Variants in STAU2 observed in about 807,000 individuals in gnomAD.
The protein encoded by STAU2 is staufen double-stranded RNA binding protein 2, also known as double-stranded RNA-binding protein Staufen homolog 2.
In STAU2, 20 loss-of-function variants were observed where a neutral mutation model predicts 65.9. That is an observed-to-expected ratio of 0.30 (90% CI 0.21 to 0.44). The LOEUF (loss-of-function observed/expected upper bound fraction) is 0.44, where lower values mean the gene tolerates loss of function less well. Among genes scored for constraint, STAU2 ranks in the 20% least tolerant of loss-of-function variants. The pLI is 1.00. For missense variants in STAU2, 558 were observed against 683.9 expected, an observed-to-expected ratio of 0.82 and a Z score of 2.05; for synonymous variants, 232 against 233.9, an observed-to-expected ratio of 0.99 and a Z score of 0.07.
intron 6 of STAU2, among the ~76,000 whole-genome samples, chr8:73,646,590 T>G (rs1042219395): frequency 3.3e-5 from 5 of 152,146 alleles, no homozygotes; most frequent in Admixed American, 6.5e-5. Flanking sequence ...TAATTCAAAA[T>G]GTACATTTAA....
chr8:73,575,240 A>T (rs903828164), intron 12 of STAU2, among the ~76,000 whole-genome samples: 1 of 152,160 alleles, frequency 6.6e-6, no homozygotes, highest in African/African-American at 2.4e-5. Context: ...AGATCTACCA[A>T]ATACATAGTC....
intron 1 of STAU2, 47 bp downstream of exon 1, chr8:73,746,736 G>A (rs1332382443): frequency 9.6e-6 from 11 of 1,146,734 alleles, no homozygotes; most frequent in Middle Eastern, 2.1e-4. Context: ...CTTCGCCGGC[G>A]GCGCGGAAGT....
intron 13 of STAU2, among the ~76,000 whole-genome samples, chr8:73,444,832 C>T (rs1175241054): frequency 6.6e-6 from 1 of 152,160 alleles, no homozygotes; most frequent in African/African-American, 2.4e-5. Context: ...TTCTCCCCTC[C>T]TCAAGATGGC....
chr8:73,509,128 T>C (rs1447942590), intron 13 of STAU2, among the ~76,000 whole-genome samples: 1 of 152,234 alleles, frequency 6.6e-6, no homozygotes, highest in African/African-American at 2.4e-5. Flanking sequence ...AAGCTTCCTA[T>C]ATAAAGTTTC....
chr8:73,533,816 A>T (rs1219479967), intron 13 of STAU2, among the ~76,000 whole-genome samples: 1 of 152,186 alleles, frequency 6.6e-6, no homozygotes, highest in Non-Finnish European at 1.5e-5. Context: ...TGAAAATATG[A>T]GGGGCCATCC....
At chr8:73,676,370 G>T (rs1389775881) in intron 5 of STAU2, among the ~76,000 whole-genome samples, 1 of 152,106 alleles carries the variant, frequency 6.6e-6, no homozygotes. Context: ...TTTAAATGAA[G>T]AAAAATATTG....
chr8:73,467,968 T>C (rs1819750549), intron 13 of STAU2, among the ~76,000 whole-genome samples: 2 of 152,150 alleles, frequency 1.3e-5, no homozygotes, highest in African/African-American at 4.8e-5. Flanking sequence ...AAAGTTCATA[T>C]GCAACCAAAA....
chr8:73,610,909 T>C (rs190943089), intron 9 of STAU2, among the ~76,000 whole-genome samples: 218 of 152,352 alleles, frequency 1.4e-3, no homozygotes, highest in Middle Eastern at 6.8e-3. Flanking sequence ...ATGTGACAAC[T>C]GGATCTGAAA....
chr8:73,687,304 A>ATTT (rs1491174622), intron 5 of STAU2, among the ~76,000 whole-genome samples: 5 of 119,700 alleles, frequency 4.2e-5, no homozygotes, highest in East Asian at 2.0e-4. Flanking sequence ...TTATATTTAT[A>ATTT]AATATAATTT....
intron 13 of STAU2, among the ~76,000 whole-genome samples, chr8:73,482,596 C>A (rs898812374): frequency 6.6e-6 from 1 of 152,076 alleles, no homozygotes; most frequent in Non-Finnish European, 1.5e-5. Flanking sequence ...TTAACATAGA[C>A]CACTTATTTG....
At position 73,663,411 on chromosome 8, in the gene STAU2, C is replaced by T. The variant is rs562887437; in HGVS notation, c.410+9696G>A. Among the ~76,000 whole-genome samples the T allele has an allele frequency of 4.6e-5, 7 of 152,274 alleles. No individual in the cohort carries two copies. In the East Asian group the frequency reaches 9.6e-4, roughly 21 times the overall value. On this transcript the variant is annotated intron_variant, in intron 6 of 14. Transcript: ENST00000524300. ...TGACCCATGGGCTATAGTTTGCCAA[C>T]TGCTGTTTTATTCTGTTCCACTGAT...
chr8:73,527,631 G>T, intron 13 of STAU2: 2 of 1,305,644 alleles, frequency 1.5e-6, no homozygotes, highest in Non-Finnish European at 2.1e-6. Context: ...CTTCCATTTT[G>T]ATGGCCTTCC....
intron 6 of STAU2, chr8:73,651,515 T>C (rs1815875672): frequency 3.9e-6 from 3 of 770,708 alleles, no homozygotes; most frequent in African/African-American, 3.4e-5. Flanking sequence ...ACCCCTGGCT[T>C]TCCACTCACC....
chr8:73,461,900 C>T (rs1405016609), intron 13 of STAU2, among the ~76,000 whole-genome samples: 2 of 152,130 alleles, frequency 1.3e-5, no homozygotes, highest in Admixed American at 1.3e-4. Context: ...AGCAGCTCTG[C>T]CCAGGCTCTT....
At chr8:73,669,509 CCTGT>C (rs1444350611) in intron 6 of STAU2, among the ~76,000 whole-genome samples, 13 of 152,026 alleles carry the variant, frequency 8.6e-5, no homozygotes, top group Admixed American at 8.5e-4. Context: ...TCACATGATC[CCTGT>C]CTAATTTCAC....
rs544389960 is a variant in STAU2 at position 73,570,110 on chromosome 8, A to G, written c.1222+12660T>C. Among the ~76,000 whole-genome samples the G allele has an allele frequency of 7.2e-5, 11 of 152,360 alleles. No homozygotes were observed. The East Asian group carries it at 2.1e-3, about 29-fold the overall frequency. On this transcript the variant is annotated intron_variant, in intron 12 of 14. Coordinates refer to ENST00000524300, the MANE Select transcript of STAU2 (RefSeq NM_001164380.2). ...CGGCTAACTAGAATAAACAGTGTAG[A>G]GAAGACTTTAAATGACCTGATGGAG... is the stretch of plus-strand genomic sequence containing the variant.
chr8:73,549,173 A>C (rs1258322843), intron 13 of STAU2, among the ~76,000 whole-genome samples: 2 of 152,200 alleles, frequency 1.3e-5, no homozygotes, highest in Non-Finnish European at 2.9e-5. Flanking sequence ...GAGTTCTTAT[A>C]AAATGTGTAG....
intron 13 of STAU2, among the ~76,000 whole-genome samples, chr8:73,444,239 T>G (rs2128891956): frequency 6.6e-6 from 1 of 152,162 alleles, no homozygotes; most frequent in South Asian, 2.1e-4. Context: ...AAACCCCGTC[T>G]CTATTAAAAA....
At chr8:73,707,327 G>GT (rs1338358375) in intron 4 of STAU2, among the ~76,000 whole-genome samples, 1 of 152,180 alleles carries the variant, frequency 6.6e-6, no homozygotes. Flanking sequence ...TAAGAGGCAA[G>GT]TGTCACAGAA....
Sources: allele counts gnomAD v4.1 joint callset (sites outside exome capture counted in the v4.1 genomes callset), GRCh38; gene constraint gnomAD v4.1.1; transcripts MANE v1.5; gene names NCBI Gene and HGNC (gene_info 2026-07-23, HGNC 2026-07-21).